Variants in AGBL1 observed in about 807,000 individuals in gnomAD.
The protein encoded by AGBL1 is AGBL carboxypeptidase 1.
A neutral mutation model predicts 118.9 loss-of-function variants in AGBL1; 130 were observed. The ratio of observed to expected loss-of-function variants is 1.09; its 90% CI spans 0.95 to 1.26. The LOEUF is 1.26. Ranked by LOEUF, AGBL1 falls within the 50% of genes most tolerant of loss-of-function variation. AGBL1 has a pLI of 0.00. For missense variants in AGBL1, 1,584 were observed against 1,298.1 expected, an observed-to-expected ratio of 1.22 and a Z score of -3.38; for synonymous variants, 555 against 478.9, an observed-to-expected ratio of 1.16 and a Z score of -2.08.
At chr15:86,735,583 T>C (rs2077580561) in intron 22 of AGBL1, among the ~76,000 whole-genome samples, 1 of 146,850 alleles carries the variant, frequency 6.8e-6, no homozygotes, top group South Asian at 2.2e-4. Flanking sequence ...TATTGTCTCT[T>C]TTGATATAGA....
chr15:86,782,036 A>G (rs1391588615), intron 22 of AGBL1, among the ~76,000 whole-genome samples: 4 of 152,098 alleles, frequency 2.6e-5, no homozygotes, highest in Non-Finnish European at 5.9e-5. Flanking sequence ...TGGACTTCAT[A>G]GTCTTTTAAT....
At chr15:86,339,517 TTTC>T (rs1595987753) in intron 17 of AGBL1, among the ~76,000 whole-genome samples, 2 of 152,216 alleles carry the variant, frequency 1.3e-5, no homozygotes, top group Admixed American at 6.5e-5. Context: ...GTCATTGAGA[TTTC>T]TTCTTTTATT....
chr15:86,425,730 G>C (rs1485557703), intron 18 of AGBL1, among the ~76,000 whole-genome samples: 1 of 152,170 alleles, frequency 6.6e-6, no homozygotes, highest in Non-Finnish European at 1.5e-5. Flanking sequence ...CTTTCTAAAA[G>C]TGATGTCCAG....
intron 24 of AGBL1, among the ~76,000 whole-genome samples, chr15:87,025,621 T>C (rs1183924054): frequency 6.6e-6 from 1 of 151,764 alleles, no homozygotes; most frequent in African/African-American, 2.4e-5. Flanking sequence ...AATACCACCA[T>C]CATTCTTCAC....
chr15:86,749,098 G>A (rs2077805726), intron 22 of AGBL1, among the ~76,000 whole-genome samples: 1 of 152,124 alleles, frequency 6.6e-6, no homozygotes, highest in African/African-American at 2.4e-5. Flanking sequence ...AATTACCTTG[G>A]GCAATATGGC....
At position 86,643,432 on chromosome 15, in the gene AGBL1, A is replaced by G. The variant is rs1567099525; in HGVS notation, c.2995-30841A>G. On this transcript the variant is annotated intron_variant, in intron 21 of 22. Coordinates refer to ENST00000614907, the MANE Select transcript of AGBL1 (RefSeq NM_001386094.1). ...CCTATATGCCCCTATATTTGCTGCC[A>G]TAGCCTTGATTTTCTTTGTGAATAT... 2.0e-5 allele frequency among the ~76,000 whole-genome samples: 3 copies of G among 152,212 alleles called. No individual in the cohort carries two copies. The South Asian group carries it at 6.2e-4, about 32-fold the overall frequency.
At chr15:86,343,266 G>C (rs936540580) in intron 17 of AGBL1, among the ~76,000 whole-genome samples, 7 of 152,158 alleles carry the variant, frequency 4.6e-5, no homozygotes. Context: ...AAGGGAGGAA[G>C]AGTGACAGCA....
At chr15:86,364,988 T>TATATAC (rs1382882995) in intron 17 of AGBL1, among the ~76,000 whole-genome samples, 8 of 103,580 alleles carry the variant, frequency 7.7e-5, no homozygotes, top group East Asian at 2.8e-4. Context: ...TATATATATA[T>TATATAC]ACACACACAC....
chr15:86,542,120 C>T (rs1413806213), intron 19 of AGBL1, among the ~76,000 whole-genome samples: 1 of 152,128 alleles, frequency 6.6e-6, no homozygotes, highest in East Asian at 1.9e-4. Context: ...TTGTGCTCAA[C>T]AATAGTCTAC....
At chr15:86,102,216 T>C (rs1294007164) in intron 1 of AGBL1, among the ~76,000 whole-genome samples, 2 of 152,078 alleles carry the variant, frequency 1.3e-5, no homozygotes, top group East Asian at 3.9e-4. Flanking sequence ...TATTTTTGCA[T>C]TTTTAGTAGC....
At chr15:86,620,784 A>G (rs2084791689) in intron 21 of AGBL1, among the ~76,000 whole-genome samples, 1 of 152,118 alleles carries the variant, frequency 6.6e-6, no homozygotes, top group Non-Finnish European at 1.5e-5. Context: ...CACCTCTGAA[A>G]GTGAACTTTG....
intron 21 of AGBL1, among the ~76,000 whole-genome samples, chr15:86,642,372 G>A (rs923446741): frequency 2.0e-5 from 3 of 152,154 alleles, no homozygotes; most frequent in Non-Finnish European, 4.4e-5. Context: ...AGAGTTAATA[G>A]TTTATGGCTT....
At chr15:86,611,471 T>G (rs1404653710) in intron 21 of AGBL1, among the ~76,000 whole-genome samples, 1 of 152,106 alleles carries the variant, frequency 6.6e-6, no homozygotes, top group Non-Finnish European at 1.5e-5. Context: ...GTCATTCAGT[T>G]TTTCTGGGGC....
chr15:86,341,297 TTTTATGGGGGTC>T (rs1171457589), intron 17 of AGBL1, among the ~76,000 whole-genome samples: 2 of 152,154 alleles, frequency 1.3e-5, no homozygotes, highest in Non-Finnish European at 2.9e-5. Context: ...CAGAGCAGGC[TTTTATGGGGGTC>T]TTTTTGTTTG....
intron 22 of AGBL1, among the ~76,000 whole-genome samples, chr15:86,683,655 T>C (rs918068333): frequency 8.5e-5 from 13 of 152,058 alleles, no homozygotes; most frequent in African/African-American, 2.9e-4. Context: ...AAACTATAAA[T>C]ACCTGAAAAT....
chr15:86,366,268 C>A (rs572998237), intron 17 of AGBL1, among the ~76,000 whole-genome samples: 5 of 152,078 alleles, frequency 3.3e-5, no homozygotes, highest in African/African-American at 1.2e-4. Context: ...AGTTAACACA[C>A]CAGAATTTGG....
intron 17 of AGBL1, among the ~76,000 whole-genome samples, chr15:86,376,065 G>A (rs1289741357): frequency 6.6e-6 from 1 of 152,212 alleles, no homozygotes; most frequent in Non-Finnish European, 1.5e-5. Context: ...AGCATATGGA[G>A]AGCAGAATTA....
At chr15:86,244,049 AGATAGAT>A (rs1162000274) in intron 6 of AGBL1, among the ~76,000 whole-genome samples, 5,185 of 117,574 alleles carry the variant, frequency 0.044, 296 homozygotes, top group African/African-American at 0.15. Context: ...ATAGATAGAT[AGATAGAT>A]AAATAAGTAA....
intron 16 of AGBL1, among the ~76,000 whole-genome samples, chr15:86,283,668 C>A (rs1297947357): frequency 6.6e-6 from 1 of 152,070 alleles, no homozygotes; most frequent in Non-Finnish European, 1.5e-5. Flanking sequence ...AATGAGCAGG[C>A]CATAAATCAG....
Sources: gnomAD v4.1 joint callset for allele counts (sites outside exome capture counted in the v4.1 genomes callset) on GRCh38, gnomAD v4.1.1 for gene constraint, MANE v1.5 for transcripts, NCBI Gene and HGNC (gene_info 2026-07-23, HGNC 2026-07-21) for gene names.